Variants in COL4A3 observed in about 807,000 individuals in gnomAD.
COL4A3 encodes the protein collagen alpha-3(IV) chain.
Under a neutral mutation model 217.4 loss-of-function variants are expected in COL4A3, and 135 were observed. The ratio of observed to expected loss-of-function variants is 0.62; its 90% CI spans 0.54 to 0.72. COL4A3 has a LOEUF of 0.72. Among genes scored for constraint, COL4A3 ranks in the 30% least tolerant of loss-of-function variants. The pLI, the probability that COL4A3 is intolerant of heterozygous loss-of-function variation, is 0.00. For synonymous variants in COL4A3, 690 were observed against 736.3 expected (o/e 0.94, Z 1.02); for missense variants, 1,868 against 2,119.9 (o/e 0.88, Z 2.33).
intron 36 of COL4A3, among the ~76,000 whole-genome samples, 166 bp downstream of exon 36, chr2:227,290,254 T>C (rs2072605523): frequency 1.3e-5 from 2 of 152,146 alleles, no homozygotes; most frequent in Non-Finnish European, 2.9e-5. Flanking sequence ...TCCCAGCACT[T>C]TGGGAGGCTG....
At chr2:227,186,902 T>G (rs1467287717) in intron 1 of COL4A3, among the ~76,000 whole-genome samples, 1 of 152,012 alleles carries the variant, frequency 6.6e-6, no homozygotes, top group African/African-American at 2.4e-5. Flanking sequence ...AGGGCCTGTT[T>G]CCTGGTTCAT....
At chr2:227,283,059 T>C (rs1467083082) in intron 32 of COL4A3, among the ~76,000 whole-genome samples, 1 of 152,234 alleles carries the variant, frequency 6.6e-6, no homozygotes, top group Non-Finnish European at 1.5e-5. Flanking sequence ...TATAGGTATA[T>C]TCAGGTTTTC....
Position 227,293,365 on chromosome 2 carries a change from T to C in COL4A3, c.3337+48T>C, listed in dbSNP as rs769286391. On this transcript the variant is annotated intron_variant, in intron 38 of 51. Transcript: ENST00000396578. ...TAAAAGCTGGAAGCATTACTCAGAG[T>C]ATAGCCCTCCTGAAATCATTGTGGT... The C allele has an allele frequency of 3.6e-5, 58 of 1,596,348 alleles. No individual in the cohort carries two copies. In the South Asian group the frequency reaches 6.0e-4, roughly 17 times the overall value.
intron 30 of COL4A3, 90 bp downstream of exon 30, chr2:227,280,680 T>C (rs2071898190): frequency 6.9e-7 from 1 of 1,443,520 alleles, no homozygotes; most frequent in Non-Finnish European, 9.8e-7. Flanking sequence ...GCATGAAGAA[T>C]TCTCCCATCC....
intron 43 of COL4A3, among the ~76,000 whole-genome samples, chr2:227,299,810 C>A (rs1487830102): frequency 6.6e-6 from 1 of 152,200 alleles, no homozygotes; most frequent in Non-Finnish European, 1.5e-5. Context: ...ACCTCTACAG[C>A]ATTCCAGATC....
At chr2:227,306,090 G>A (rs1214048250) in intron 47 of COL4A3, among the ~76,000 whole-genome samples, 1 of 152,172 alleles carries the variant, frequency 6.6e-6, no homozygotes, top group Non-Finnish European at 1.5e-5. Context: ...TCCTTAAAGT[G>A]TGGTTTTTGA....
In COL4A3 at chr2:227,250,788, A is replaced by C. The variant is rs921306086; in HGVS notation, c.547-352A>C. Among the ~76,000 whole-genome samples the C allele has an allele frequency of 6.6e-6, 1 of 152,156 alleles. No homozygotes were observed. Among genetic ancestry groups the C allele is most frequent in the African/African-American group, 2.4e-5 (1 of 41,446 alleles). On this transcript the variant is annotated intron_variant, in intron 9 of 51. Transcript: ENST00000396578. The surrounding 1 kb of genome is among the most constrained non-coding windows in gnomAD (Gnocchi z 4.1). ...CCTGGGAAAAGGGGATTCTAGGCAGAGGGAGAGCAGGTGGCAGGCCCTAAC... is the reference window on the plus strand; with the variant it reads ...CCTGGGAAAAGGGGATTCTAGGCAGCGGGAGAGCAGGTGGCAGGCCCTAAC...
intron 1 of COL4A3, among the ~76,000 whole-genome samples, chr2:227,171,486 C>T (rs6735744): frequency 0.052 from 7,948 of 152,128 alleles, 258 homozygotes; most frequent in Admixed American, 0.089. Context: ...AAATAACTGA[C>T]GTGTATGATG....
chr2:227,200,206 C>A (rs960727464), intron 1 of COL4A3, among the ~76,000 whole-genome samples: 2 of 152,186 alleles, frequency 1.3e-5, no homozygotes, highest in African/African-American at 2.4e-5. Context: ...TGTATCTTTA[C>A]ATAGTGTGTA....
Position 227,224,660 on chromosome 2 carries a change from C to T in COL4A3, c.88-13308C>T, listed in dbSNP as rs111298023. On this transcript the variant is annotated intron_variant, in intron 1 of 51. Coordinates refer to ENST00000396578, the MANE Select transcript of COL4A3 (RefSeq NM_000091.5). Reference sequence around the variant, plus strand: ...ATCCCAGCTAGTCAGGAGGCTGAAGCAGGAGAATCGCTTGAACCCGGGAGG... The same window carrying T: ...ATCCCAGCTAGTCAGGAGGCTGAAGTAGGAGAATCGCTTGAACCCGGGAGG... Among the ~76,000 whole-genome samples, 550 of 151,930 alleles carry T rather than the reference C, an allele frequency of 3.6e-3. 3 individuals are homozygous for T. The highest frequency in any genetic ancestry group is 0.012 in the African/African-American group (517 of 41,420).
intron 51 of COL4A3, among the ~76,000 whole-genome samples, 170 bp downstream of exon 51, chr2:227,311,118 T>C (rs114658800): frequency 3.2e-4 from 49 of 152,358 alleles, no homozygotes; most frequent in Non-Finnish European, 6.5e-4. Context: ...TATGAATTTA[T>C]AGTAAATTAC....
intron 1 of COL4A3, among the ~76,000 whole-genome samples, chr2:227,187,902 A>G (rs2066088676): frequency 6.6e-6 from 1 of 152,188 alleles, no homozygotes; most frequent in Non-Finnish European, 1.5e-5. Context: ...AGATTGGTCC[A>G]GCTGATCACT....
chr2:227,249,224 A>AT (rs1320775871), intron 9 of COL4A3, among the ~76,000 whole-genome samples: 1 of 24,182 alleles, frequency 4.1e-5, no homozygotes, highest in African/African-American at 1.4e-4. Context: ...ATATATATAT[A>AT]TATATATTTT....
At chr2:227,247,440 G>T in intron 7 of COL4A3, 118 bp from the exon 8 acceptor site, 1 of 910,240 alleles carries the variant, frequency 1.1e-6, no homozygotes, top group Non-Finnish European at 1.9e-6. Flanking sequence ...GCTTTGTAAG[G>T]CCGTGGGAGG....
intron 18 of COL4A3, 143 bp from the exon 19 acceptor site, chr2:227,259,650 T>C: frequency 3.0e-6 from 2 of 665,350 alleles, no homozygotes; most frequent in South Asian, 1.8e-5. Flanking sequence ...GACTATCATA[T>C]ACCTGCTAAC....
intron 16 of COL4A3, 58 bp from the exon 17 acceptor site, chr2:227,256,285 C>T: frequency 6.7e-7 from 1 of 1,501,348 alleles, no homozygotes; most frequent in Non-Finnish European, 9.3e-7. Context: ...CACCTGCTCC[C>T]CCAGAAGAAG....
chr2:227,312,614 TC>T lies in COL4A3; in HGVS notation c.*749del, dbSNP rs2073783203. 6.6e-6 allele frequency: 1 copy of T among 152,574 alleles called. No homozygotes were observed. Among genetic ancestry groups the T allele is most frequent in the Non-Finnish European group, 1.5e-5 (1 of 68,044 alleles). The allele number at this position is 152,574 out of a possible 1,614,324, so 9.5% of individuals were successfully genotyped here. On this transcript the variant is annotated 3_prime_UTR_variant, in exon 52 of 52. Transcript: ENST00000396578. The stretch of plus-strand genomic sequence containing the variant: ...CTTGTATTCCAAGCATATAAAATTT[TC>T]CCCCTTAGTGAATTAGTTTTAAAAT...
At chr2:227,281,379 A>C (rs991221736) in intron 31 of COL4A3, among the ~76,000 whole-genome samples, 24 of 152,212 alleles carry the variant, frequency 1.6e-4, no homozygotes, top group Non-Finnish European at 1.5e-5. Context: ...CCTTATTATT[A>C]AAATAGGGTA....
chr2:227,312,926 TA>T lies in COL4A3; in HGVS notation c.*1070del, dbSNP rs11297279. 66,551 of 145,290 alleles carry T rather than the reference TA, an allele frequency of 0.46. 14,984 individuals carry two copies. Among genetic ancestry groups the T allele is most frequent in the Admixed American group, 0.53 (7,676 of 14,604 alleles). The allele number at this position is 145,290 out of a possible 1,614,324, so 9.0% of individuals were successfully genotyped here. A position where few individuals can be genotyped will look rare whatever the true frequency, so the allele number is the denominator to read the frequency against. On this transcript the variant is annotated 3_prime_UTR_variant, in exon 52 of 52. Transcript: ENST00000396578. ...TGTTACTTCTCTAATTCTTCCTTTG[TA>T]AAAAAAAAAAAAAGCAACACTTTTT...
Sources: allele counts gnomAD v4.1 joint callset (sites outside exome capture counted in the v4.1 genomes callset), GRCh38; gene constraint gnomAD v4.1.1; non-coding constraint Gnocchi (gnomAD v3.1); transcripts MANE v1.5; gene names NCBI Gene and HGNC (gene_info 2026-07-23, HGNC 2026-07-21).